Variants in ZNF407 observed in about 807,000 individuals in gnomAD.
ZNF407 encodes the protein zinc finger protein 407.
Under a neutral mutation model 131.2 loss-of-function variants are expected in ZNF407, and 17 were observed. The observed-to-expected ratio is 0.13, with a 90% confidence interval of 0.09 to 0.19. The LOEUF (loss-of-function observed/expected upper bound fraction) is 0.19. Among genes scored for constraint, ZNF407 ranks in the 10% least tolerant of loss-of-function variants. ZNF407 has a pLI of 1.00. For missense variants in ZNF407, 2,681 were observed against 2,830.6 expected, an observed-to-expected ratio of 0.95 and a Z score of 1.20; for synonymous variants, 1,156 against 1,062.0, an observed-to-expected ratio of 1.09 and a Z score of -1.72.
In ZNF407 at chr18:74,957,001, A is replaced by G. The variant is rs182856825; in HGVS notation, c.5428+36309A>G. 1.0e-3 allele frequency among the ~76,000 whole-genome samples: 153 copies of G among 152,304 alleles called. 1 individual carries two copies. Among genetic ancestry groups the G allele is most frequent in the African/African-American group, 3.0e-3 (125 of 41,554 alleles). On this transcript the variant is annotated intron_variant, in intron 8 of 8. Transcript: ENST00000299687. ...CAACATATTTTCTTGTAGAAAAGCT[A>G]CTTGTGAAGCCAAGTTATAATCAGA...
chr18:74,895,036 A>G (rs1971434830), intron 7 of ZNF407, among the ~76,000 whole-genome samples: 1 of 151,994 alleles, frequency 6.6e-6, no homozygotes, highest in South Asian at 2.1e-4. Context: ...GAAAGTCTGT[A>G]TCTCGTGGAG....
chr18:74,881,006 C>T lies in ZNF407; in HGVS notation c.5045-30C>T, dbSNP rs376443754. 1.8e-4 allele frequency: 283 copies of T among 1,569,104 alleles called. 1 individual carries two copies. The highest frequency in any genetic ancestry group is 2.3e-4 in the Non-Finnish European group (262 of 1,153,644). ...ATGTTTTAATGATCTGTGACCTCCG[C>T]AGTCCCTCATCTGTTTGTTGTTGCA... On this transcript the variant is annotated intron_variant, in intron 5 of 8. Coordinates refer to ENST00000299687, the MANE Select transcript of ZNF407 (RefSeq NM_017757.3).
At chr18:74,627,343 C>G (rs1479122382) in intron 1 of ZNF407, among the ~76,000 whole-genome samples, 1 of 152,142 alleles carries the variant, frequency 6.6e-6, no homozygotes, top group East Asian at 1.9e-4. Context: ...CATCTACAGG[C>G]AAGAATACTT....
intron 3 of ZNF407, among the ~76,000 whole-genome samples, chr18:74,652,509 AT>A (rs948853800): frequency 6.6e-6 from 1 of 151,986 alleles, no homozygotes; most frequent in African/African-American, 2.4e-5. Flanking sequence ...TATTGCTTAT[AT>A]TTTCCCCCCA....
chr18:74,775,030 A>C (rs191901926), intron 3 of ZNF407, among the ~76,000 whole-genome samples: 39 of 152,322 alleles, frequency 2.6e-4, no homozygotes, highest in African/African-American at 7.7e-4. Flanking sequence ...TCCAAGTCTT[A>C]ACTTTTTTCA....
chr18:75,019,606 C>T (rs553065525), intron 8 of ZNF407, among the ~76,000 whole-genome samples: 33 of 152,244 alleles, frequency 2.2e-4, no homozygotes, highest in Middle Eastern at 3.4e-3. Flanking sequence ...AGAATATCCC[C>T]GCTGTAAGGG....
intron 4 of ZNF407, among the ~76,000 whole-genome samples, chr18:74,855,524 A>C (rs1195366699): frequency 6.6e-6 from 1 of 152,194 alleles, no homozygotes; most frequent in Non-Finnish European, 1.5e-5. Flanking sequence ...CATAATGTGA[A>C]ATTACTATTA....
chr18:74,866,340 A>G (rs1230040334), intron 4 of ZNF407, among the ~76,000 whole-genome samples: 25 of 152,200 alleles, frequency 1.6e-4, no homozygotes, highest in Non-Finnish European at 3.4e-4. Context: ...TGGGTAATAC[A>G]TCTCAACCTT....
intron 7 of ZNF407, among the ~76,000 whole-genome samples, chr18:74,895,829 A>T (rs1487698481): frequency 6.6e-6 from 1 of 152,146 alleles, no homozygotes; most frequent in Admixed American, 6.5e-5. Flanking sequence ...CAGCCTCCTG[A>T]GTTAGGGCGA....
At chr18:75,060,727 G>C (rs371969437) in intron 8 of ZNF407, among the ~76,000 whole-genome samples, 6 of 151,170 alleles carry the variant, frequency 4.0e-5, no homozygotes, top group Non-Finnish European at 7.4e-5. Context: ...GGATGGTCTC[G>C]ATCTCCTGAC....
chr18:74,895,095 G>A (rs971669861), intron 7 of ZNF407, among the ~76,000 whole-genome samples: 3 of 151,420 alleles, frequency 2.0e-5, no homozygotes, highest in South Asian at 2.1e-4. Flanking sequence ...GATTTACCTC[G>A]TCATTTTGCT....
intron 4 of ZNF407, among the ~76,000 whole-genome samples, chr18:74,791,573 C>T (rs1161204708): frequency 2.6e-5 from 4 of 152,144 alleles, no homozygotes; most frequent in African/African-American, 7.2e-5. Flanking sequence ...AGTGTTTTCA[C>T]TCATTGCCAT....
intron 3 of ZNF407, among the ~76,000 whole-genome samples, chr18:74,690,332 A>G (rs576856914): frequency 6.6e-6 from 1 of 152,324 alleles, no homozygotes; most frequent in African/African-American, 2.4e-5. Flanking sequence ...TGGTTTCTTG[A>G]GATCTCAAGG....
At chr18:74,721,421 G>T (rs193054696) in intron 3 of ZNF407, among the ~76,000 whole-genome samples, 1 of 152,106 alleles carries the variant, frequency 6.6e-6, no homozygotes, top group African/African-American at 2.4e-5. Context: ...AATAAGTGGC[G>T]TCCAAATTGA....
intron 8 of ZNF407, among the ~76,000 whole-genome samples, chr18:74,922,310 A>G (rs1171471628): frequency 2.0e-5 from 3 of 152,190 alleles, no homozygotes; most frequent in Non-Finnish European, 4.4e-5. Flanking sequence ...GACCAAATCC[A>G]TGGTGGGCAT....
intron 5 of ZNF407, among the ~76,000 whole-genome samples, chr18:74,879,364 T>C (rs1427491533): frequency 6.6e-6 from 1 of 152,080 alleles, no homozygotes; most frequent in Non-Finnish European, 1.5e-5. Flanking sequence ...GTGTGTGTGG[T>C]GCTGCACACA....
chr18:74,623,711 T>G (rs1441566314), intron 1 of ZNF407, among the ~76,000 whole-genome samples: 1 of 152,262 alleles, frequency 6.6e-6, no homozygotes, highest in Non-Finnish European at 1.5e-5. Context: ...TTGAAACTTT[T>G]TTTTTTCTTT....
intron 3 of ZNF407, among the ~76,000 whole-genome samples, chr18:74,753,968 G>T (rs1490279474): frequency 6.6e-6 from 1 of 152,116 alleles, no homozygotes; most frequent in African/African-American, 2.4e-5. Flanking sequence ...CTGTGAATCC[G>T]TCTGGTCCTG....
chr18:74,946,846 G>A (rs1313188499), intron 8 of ZNF407, among the ~76,000 whole-genome samples: 1 of 152,086 alleles, frequency 6.6e-6, no homozygotes, highest in African/African-American at 2.4e-5. Flanking sequence ...AGCTGATCAT[G>A]CTGCTTTGAG....
Sources: allele counts gnomAD v4.1 joint callset (sites outside exome capture counted in the v4.1 genomes callset), GRCh38; gene constraint gnomAD v4.1.1; transcripts MANE v1.5; gene names NCBI Gene and HGNC (gene_info 2026-07-23, HGNC 2026-07-21).